TENM2: variants seen among roughly 807,000 people sequenced by gnomAD.
TENM2 encodes the protein teneurin-2.
Under a neutral mutation model 245.2 loss-of-function variants are expected in TENM2, and 52 were observed. The observed-to-expected ratio is 0.21, with a 90% CI of 0.17 to 0.27. The LOEUF is 0.27. Among genes scored for constraint, TENM2 ranks in the 10% least tolerant of loss-of-function variants. The probability of loss-of-function intolerance (pLI) is 1.00; values close to 1 mark genes in which losing one functional copy is unlikely to be tolerated. For synonymous variants in TENM2, 1,363 were observed against 1,438.9 expected (o/e 0.95, Z 1.19); for missense variants, 3,046 against 3,666.8 (o/e 0.83, Z 4.37).
chr5:167,837,517 T>C (rs1261953012), intron 2 of TENM2, among the ~76,000 whole-genome samples: 2 of 152,200 alleles, frequency 1.3e-5, no homozygotes, highest in Admixed American at 6.5e-5. Context: ...TAGCATTCAT[T>C]CATTTCTAAA....
intron 2 of TENM2, among the ~76,000 whole-genome samples, chr5:167,431,961 G>GTGTATATATATATA (rs982005904): frequency 2.3e-5 from 1 of 43,602 alleles, no homozygotes; most frequent in Non-Finnish European, 6.8e-5. Context: ...ATATATATAT[G>GTGTATATATATATA]TATATATATA....
chr5:167,029,315 A>C, the TENM2 span, among the ~76,000 whole-genome samples: 8 of 152,136 alleles, frequency 5.3e-5, no homozygotes, highest in East Asian at 1.9e-4. Context: ...CAAGGTCTTA[A>C]ACATAGCAAG....
At chr5:167,275,289 T>G in the TENM2 span, among the ~76,000 whole-genome samples, 3 of 152,134 alleles carry the variant, frequency 2.0e-5, no homozygotes, top group Non-Finnish European at 4.4e-5. Context: ...TAAGATTGGA[T>G]AGATTCATTC....
At chr5:167,755,285 G>A in intron 2 of TENM2, 4 of 881,664 alleles carry the variant, frequency 4.5e-6, no homozygotes, top group Non-Finnish European at 7.1e-6. Context: ...CCCTTCAGCG[G>A]ATACCAAGGG....
At chr5:167,385,003 T>C (rs1160830727) in intron 2 of TENM2, among the ~76,000 whole-genome samples, 2 of 152,316 alleles carry the variant, frequency 1.3e-5, no homozygotes, top group East Asian at 3.9e-4. Flanking sequence ...TTCCTTACAG[T>C]GCAATCTATT....
chr5:167,429,162 C>G (rs1293770001), intron 2 of TENM2, among the ~76,000 whole-genome samples: 1 of 152,134 alleles, frequency 6.6e-6, no homozygotes, highest in Admixed American at 6.5e-5. Context: ...TCTTCAAAAT[C>G]AATGCCTCTC....
chr5:167,281,251 G>T (rs1306280178), upstream of TENM2, among the ~76,000 whole-genome samples: 1 of 150,436 alleles, frequency 6.6e-6, no homozygotes, highest in Non-Finnish European at 1.5e-5. Flanking sequence ...GGGATTACAG[G>T]CACCTGCCAC....
chr5:168,187,681 A>G (rs998394271), intron 13 of TENM2: 1 of 152,226 alleles, frequency 6.6e-6, no homozygotes, highest in African/African-American at 2.4e-5. Flanking sequence ...TCAAGGCAGA[A>G]TTCTATGCAC....
chr5:168,178,166 G>A (rs1198536375), intron 13 of TENM2, among the ~76,000 whole-genome samples: 1 of 152,204 alleles, frequency 6.6e-6, no homozygotes, highest in Non-Finnish European at 1.5e-5. Flanking sequence ...TTGTTGCTCT[G>A]AGGTGTCGGT....
the TENM2 span, among the ~76,000 whole-genome samples, chr5:167,161,477 T>A: frequency 6.6e-6 from 1 of 152,174 alleles, no homozygotes; most frequent in South Asian, 2.1e-4. Flanking sequence ...AAAGCCGAAG[T>A]TAAAGAAAGT....
chr5:167,835,432 T>C (rs921589168), intron 2 of TENM2, among the ~76,000 whole-genome samples: 7 of 152,318 alleles, frequency 4.6e-5, no homozygotes, highest in Middle Eastern at 6.8e-3. Context: ...AGAGATTGGG[T>C]ACTCAGCCAG....
intron 1 of TENM2, among the ~76,000 whole-genome samples, chr5:167,334,694 A>T (rs534238908): frequency 6.6e-6 from 1 of 152,246 alleles, no homozygotes. Flanking sequence ...TATTTTTGCT[A>T]GTCATGAACT....
chr5:167,524,663 C>A (rs1169996380), intron 2 of TENM2, among the ~76,000 whole-genome samples: 1 of 151,886 alleles, frequency 6.6e-6, no homozygotes, highest in Non-Finnish European at 1.5e-5. Flanking sequence ...ATGTCATAAT[C>A]ATCTAGAAAG....
chr5:167,371,551 G>C (rs1248133953), intron 1 of TENM2, among the ~76,000 whole-genome samples: 2 of 151,660 alleles, frequency 1.3e-5, no homozygotes, highest in Non-Finnish European at 2.9e-5. Flanking sequence ...AGTAGAGATG[G>C]GGTTTATCCA....
At chr5:168,199,877 A>G (rs1761778119) in exon 17 of TENM2, 29 of 1,613,722 alleles carry the variant, frequency 1.8e-5, no homozygotes, top group Non-Finnish European at 2.5e-5. Context: ...CTTCATGAAG[A>G]AATCGAGCTC....
intron 2 of TENM2, among the ~76,000 whole-genome samples, chr5:167,487,860 T>C (rs957104031): frequency 6.6e-6 from 1 of 152,240 alleles, no homozygotes; most frequent in Admixed American, 6.5e-5. Flanking sequence ...TTTGTCAGTA[T>C]ATAATGCAAA....
intron 2 of TENM2, among the ~76,000 whole-genome samples, chr5:167,693,969 T>C (rs1458620083): frequency 6.6e-5 from 10 of 152,216 alleles, no homozygotes; most frequent in Non-Finnish European, 1.3e-4. Context: ...CTATTTAAAA[T>C]ATATTTTGGA....
intron 2 of TENM2, among the ~76,000 whole-genome samples, chr5:167,809,597 A>G (rs375270841): frequency 1.1e-4 from 16 of 152,270 alleles, no homozygotes; most frequent in African/African-American, 3.8e-4. Flanking sequence ...TCTCTATTCT[A>G]TATATACTTA....
At chr5:167,105,106 T>C in the TENM2 span, among the ~76,000 whole-genome samples, 2 of 152,200 alleles carry the variant, frequency 1.3e-5, no homozygotes, top group East Asian at 3.9e-4. Flanking sequence ...TCAAGGTATA[T>C]AGATAAAATG....
Sources: allele counts gnomAD v4.1 joint callset (sites outside exome capture counted in the v4.1 genomes callset), GRCh38; gene constraint gnomAD v4.1.1; transcripts MANE v1.5; gene names NCBI Gene and HGNC (gene_info 2026-07-23, HGNC 2026-07-21).